The following NUP160 variants were observed in gnomAD, a reference collection of about 807,000 sequenced individuals.
NUP160 encodes the protein nuclear pore complex protein Nup160.
A neutral mutation model predicts 196.9 loss-of-function variants in NUP160; 94 were observed. The ratio of observed to expected loss-of-function variants is 0.48; its 90% CI spans 0.40 to 0.57. The LOEUF (loss-of-function observed/expected upper bound fraction) is 0.57. NUP160 is among the 20% of genes least tolerant of loss of function. NUP160 has a pLI of 0.00. For missense variants in NUP160, 1,638 were observed against 1,748.3 expected, an observed-to-expected ratio of 0.94 and a Z score of 1.13; for synonymous variants, 605 against 619.7, an observed-to-expected ratio of 0.98 and a Z score of 0.35.
At chr11:47,780,283 T>A in intron 35 of NUP160, 60 bp downstream of exon 35, 2 of 1,156,762 alleles carry the variant, frequency 1.7e-6, no homozygotes, top group Non-Finnish European at 2.6e-6. Context: ...GATCAAGCTG[T>A]AAGGTGTAAC....
At chr11:47,808,085 C>T (rs562182106) in intron 18 of NUP160, among the ~76,000 whole-genome samples, 1 of 152,276 alleles carries the variant, frequency 6.6e-6, no homozygotes, top group South Asian at 2.1e-4. Context: ...GAGTTTGAGA[C>T]CAGCCTGGCC....
chr11:47,798,149 A>G lies in NUP160; in HGVS notation c.3086+19T>C. On this transcript the variant is annotated intron_variant, in intron 25 of 35. Transcript: ENST00000378460. The stretch of plus-strand genomic sequence containing the variant: ...CAGAGTTGGTAAATTGTCTTCTCTA[A>G]AAAAGGCCATGAAATTACCTGCTGG... 1 of 1,594,050 alleles carries G rather than the reference A, an allele frequency of 6.3e-7. No homozygotes were observed. The highest frequency in any genetic ancestry group is 8.6e-7 in the Non-Finnish European group (1 of 1,163,672).
chr11:47,848,299 A>T, exon 1 of NUP160: 1 of 1,613,906 alleles, frequency 6.2e-7, no homozygotes, highest in Non-Finnish European at 8.5e-7. Context: ...GCTCCGTTCC[A>T]GGGCTCCCGC....
intron 2 of NUP160, among the ~76,000 whole-genome samples, chr11:47,843,873 A>G (rs1463614438): frequency 6.6e-6 from 1 of 151,946 alleles, no homozygotes; most frequent in Non-Finnish European, 1.5e-5. Flanking sequence ...TCTCCACTCA[A>G]CTCCTGACTA....
At chr11:47,832,905 T>A (rs1211220326) in intron 7 of NUP160, among the ~76,000 whole-genome samples, 1 of 152,164 alleles carries the variant, frequency 6.6e-6, no homozygotes, top group African/African-American at 2.4e-5. Flanking sequence ...ACCACTTATA[T>A]GATTCCACTG....
intron 2 of NUP160, among the ~76,000 whole-genome samples, chr11:47,845,000 A>C (rs1599352975): frequency 6.6e-6 from 1 of 152,358 alleles, no homozygotes; most frequent in South Asian, 2.1e-4. Flanking sequence ...TGCCATGGCA[A>C]CATCAGGAAG....
intron 9 of NUP160, chr11:47,820,170 A>G (rs771963433): frequency 3.9e-5 from 6 of 152,182 alleles, no homozygotes; most frequent in Non-Finnish European, 8.8e-5. Context: ...CAGGGGTTAG[A>G]CAAGTCTTTG....
intron 11 of NUP160, 85 bp from the exon 12 acceptor site, chr11:47,816,114 A>T: frequency 1.2e-6 from 1 of 863,864 alleles, no homozygotes; most frequent in Non-Finnish European, 1.9e-6. Context: ...TAGAGGCAAT[A>T]TAAAACTATA....
At chr11:47,843,885 T>C (rs1465649030) in intron 2 of NUP160, among the ~76,000 whole-genome samples, 2 of 152,248 alleles carry the variant, frequency 1.3e-5, no homozygotes, top group Non-Finnish European at 2.9e-5. Context: ...TCCTGACTAC[T>C]GTCTCAACAC....
rs773176668 is a variant in NUP160 at position 47,837,015 on chromosome 11, C to T, written c.828-14G>A. On this transcript the variant is annotated splice_polypyrimidine_tract_variant and intron_variant, in intron 5 of 35. Coordinates refer to ENST00000378460, the Ensembl canonical transcript of NUP160. ...GACTGGTCACCCCTAAAACATAAGA[C>T]CCAGTTTTAGAGTTTTACTGCTGCA... is the stretch of plus-strand genomic sequence containing the variant. 4.0e-6 allele frequency: 6 copies of T among 1,517,518 alleles called. No homozygotes were observed. The highest frequency in any genetic ancestry group is 5.5e-6 in the Non-Finnish European group (6 of 1,097,802). The allele number at this position is 1,517,518 out of a possible 1,614,324, so 94.0% of individuals were successfully genotyped here. A position where few individuals can be genotyped will look rare whatever the true frequency, so the allele number is the denominator to read the frequency against.
intron 2 of NUP160, chr11:47,841,507 C>A: frequency 2.5e-6 from 1 of 399,958 alleles, no homozygotes; most frequent in Non-Finnish European, 5.0e-6. Context: ...TTGGGTCATG[C>A]TCACTGGCCA....
intron 7 of NUP160, among the ~76,000 whole-genome samples, chr11:47,829,975 C>T (rs911177469): frequency 2.6e-5 from 4 of 152,112 alleles, no homozygotes; most frequent in African/African-American, 9.7e-5. Context: ...ATGCATCTGA[C>T]GAGGGTCTGA....
chr11:47,841,621 T>C, intron 2 of NUP160: 1 of 426,202 alleles, frequency 2.3e-6, no homozygotes, highest in Non-Finnish European at 4.7e-6. Flanking sequence ...GGCCATGTGA[T>C]CCTGGAACGT....
intron 2 of NUP160, among the ~76,000 whole-genome samples, chr11:47,842,874 G>A (rs985084742): frequency 6.6e-6 from 1 of 152,098 alleles, no homozygotes; most frequent in Non-Finnish European, 1.5e-5. Context: ...TGTAATCTCA[G>A]CCACTTGGGA....
intron 34 of NUP160, among the ~76,000 whole-genome samples, chr11:47,782,302 AAATATATAT>A (rs1208590051): frequency 1.2e-4 from 5 of 42,600 alleles, no homozygotes; most frequent in Non-Finnish European, 2.4e-4. Context: ...AAAAAAAAAA[AAATATATAT>A]ATATATATAT....
chr11:47,831,894 CTTTTT>C (rs554204043), intron 7 of NUP160, among the ~76,000 whole-genome samples: 4 of 69,990 alleles, frequency 5.7e-5, no homozygotes, highest in African/African-American at 2.5e-4. Context: ...TAATAAATTC[CTTTTT>C]TTTTTTTTTT....
At chr11:47,812,784 T>C in intron 15 of NUP160, 98 bp downstream of exon 15, 1 of 946,818 alleles carries the variant, frequency 1.1e-6, no homozygotes, top group Admixed American at 2.7e-5. Context: ...TTTAAGCTAC[T>C]ATTCTGTACG....
At chr11:47,790,443 T>G (rs1373076435) in intron 29 of NUP160, among the ~76,000 whole-genome samples, 1 of 152,128 alleles carries the variant, frequency 6.6e-6, no homozygotes, top group African/African-American at 2.4e-5. Flanking sequence ...GTAGTTTTAC[T>G]AGAGACGGGG....
At chr11:47,805,481 G>A (rs1470879776) in intron 20 of NUP160, among the ~76,000 whole-genome samples, 1 of 135,728 alleles carries the variant, frequency 7.4e-6, no homozygotes, top group Non-Finnish European at 1.5e-5. Flanking sequence ...GTCTCACTCT[G>A]TTGCCCAGAC....
Sources: gnomAD v4.1 joint callset for allele counts (sites outside exome capture counted in the v4.1 genomes callset) on GRCh38, gnomAD v4.1.1 for gene constraint, MANE v1.5 for transcripts, NCBI Gene and HGNC (gene_info 2026-07-23, HGNC 2026-07-21) for gene names.